The following SLIT3 variants were observed in gnomAD, a reference collection of about 807,000 sequenced individuals.
SLIT3 encodes the protein slit guidance ligand 3, also known as slit homolog 3 protein.
SLIT3 carries 68 observed loss-of-function variants against 184.0 expected under a neutral mutation model. The ratio of observed to expected loss-of-function variants is 0.37; its 90% CI spans 0.30 to 0.45. The LOEUF is 0.45. SLIT3 is among the 20% of genes least tolerant of loss of function. The pLI is 1.00. For synonymous variants in SLIT3, 831 were observed against 828.6 expected, an observed-to-expected ratio of 1.00 and a Z score of -0.05; for missense variants, 1,707 against 2,026.0, an observed-to-expected ratio of 0.84 and a Z score of 3.02.
intron 4 of SLIT3, among the ~76,000 whole-genome samples, chr5:168,979,467 C>T (rs1435132388): frequency 6.6e-6 from 1 of 152,188 alleles, no homozygotes; most frequent in African/African-American, 2.4e-5. Flanking sequence ...GGAACTCTTC[C>T]CCTGTTTACC....
chr5:169,207,342 ATCTT>A (rs1764105444), intron 3 of SLIT3, among the ~76,000 whole-genome samples: 1 of 144,514 alleles, frequency 6.9e-6, no homozygotes, highest in African/African-American at 2.6e-5. Flanking sequence ...CTGGACCACT[ATCTT>A]TCTCTGTTTT....
chr5:169,272,591 A>ATGCACTGATGTGATC (rs1766665518), intron 1 of SLIT3, among the ~76,000 whole-genome samples: 1 of 152,240 alleles, frequency 6.6e-6, no homozygotes, highest in Admixed American at 6.5e-5. Flanking sequence ...GGGGATTTGA[A>ATGCACTGATGTGATC]TGCACTGATG....
chr5:169,180,223 A>G (rs560069689), intron 4 of SLIT3, among the ~76,000 whole-genome samples: 1 of 152,180 alleles, frequency 6.6e-6, no homozygotes, highest in Non-Finnish European at 1.5e-5. Context: ...CAGAAGGAAC[A>G]GCAAAGCCAA....
At chr5:169,018,417 A>T (rs952352970) in intron 4 of SLIT3, 1 of 152,206 alleles carries the variant, frequency 6.6e-6, no homozygotes, top group African/African-American at 2.4e-5. Context: ...CAGTTGCCAG[A>T]GTATCAACCT....
At chr5:169,138,729 G>T (rs765506799) in intron 4 of SLIT3, among the ~76,000 whole-genome samples, 1 of 152,178 alleles carries the variant, frequency 6.6e-6, no homozygotes, top group African/African-American at 2.4e-5. Context: ...GGTTCCACTC[G>T]TGCTATCTCA....
chr5:168,762,252 C>T (rs555034325), intron 15 of SLIT3, among the ~76,000 whole-genome samples: 2 of 152,336 alleles, frequency 1.3e-5, no homozygotes, highest in East Asian at 3.9e-4. Context: ...GCAGGGACTA[C>T]CTGCTCTGCT....
At chr5:169,117,101 G>A (rs115719565) in intron 4 of SLIT3, among the ~76,000 whole-genome samples, 3,003 of 152,240 alleles carry the variant, frequency 0.02, 63 homozygotes, top group South Asian at 0.081. Context: ...CCTGTGAAGC[G>A]ACTGGAGGTG....
chr5:169,177,513 T>C (rs1357511644), intron 4 of SLIT3, among the ~76,000 whole-genome samples: 1 of 152,106 alleles, frequency 6.6e-6, no homozygotes, highest in Non-Finnish European at 1.5e-5. Context: ...TCTGGCTAAG[T>C]AGCTGCAGGT....
chr5:169,124,204 C>A (rs368071151), intron 4 of SLIT3, among the ~76,000 whole-genome samples: 9 of 152,294 alleles, frequency 5.9e-5, no homozygotes, highest in African/African-American at 2.2e-4. Context: ...TAGGAATAGA[C>A]TGAATGGCAG....
At chr5:168,863,834 C>T (rs1392584990) in intron 5 of SLIT3, among the ~76,000 whole-genome samples, 1 of 152,126 alleles carries the variant, frequency 6.6e-6, no homozygotes, top group Non-Finnish European at 1.5e-5. Context: ...CACCCTTCTG[C>T]CCCGTTCCCC....
intron 1 of SLIT3, among the ~76,000 whole-genome samples, chr5:169,279,640 G>T (rs983509631): frequency 1.3e-5 from 2 of 151,958 alleles, no homozygotes; most frequent in African/African-American, 4.8e-5. Context: ...TATATAAAAG[G>T]ATATCATACA....
chr5:169,234,467 C>G (rs879409224), intron 3 of SLIT3, among the ~76,000 whole-genome samples: 1 of 152,176 alleles, frequency 6.6e-6, no homozygotes, highest in Non-Finnish European at 1.5e-5. Flanking sequence ...AGTGCAGTGG[C>G]ACAATCTTGG....
chr5:168,961,020 C>T (rs1013462555), intron 4 of SLIT3, among the ~76,000 whole-genome samples: 6 of 152,296 alleles, frequency 3.9e-5, no homozygotes, highest in Admixed American at 3.3e-4. Context: ...TTAAAAAGCT[C>T]CATCTCCTCA....
At chr5:168,762,476 C>A (rs1372675524) in intron 15 of SLIT3, 63 bp downstream of exon 15, 1 of 1,569,674 alleles carries the variant, frequency 6.4e-7, no homozygotes, top group African/African-American at 1.3e-5. Context: ...ACCCTGCCCA[C>A]GCTGGCTCCG....
At chr5:169,162,263 G>A (rs1273099080) in intron 4 of SLIT3, among the ~76,000 whole-genome samples, 5 of 152,182 alleles carry the variant, frequency 3.3e-5, no homozygotes, top group Admixed American at 3.3e-4. Context: ...CCAGCCCCAT[G>A]CAGAACCACT....
chr5:168,916,373 G>C (rs536168055), intron 4 of SLIT3, among the ~76,000 whole-genome samples: 2 of 152,346 alleles, frequency 1.3e-5, no homozygotes, highest in South Asian at 4.1e-4. Context: ...TGCAGCTGTG[G>C]GAGGTGCTTC....
chr5:169,118,786 C>G (rs1176464464), intron 4 of SLIT3, among the ~76,000 whole-genome samples: 3 of 152,314 alleles, frequency 2.0e-5, no homozygotes, highest in Non-Finnish European at 2.9e-5. Flanking sequence ...AGGGAACACT[C>G]TAGCCACCTT....
intron 5 of SLIT3, among the ~76,000 whole-genome samples, chr5:168,849,336 C>T (rs796219639): frequency 1.3e-5 from 2 of 152,220 alleles, no homozygotes; most frequent in African/African-American, 2.4e-5. Flanking sequence ...CCAGCAGCAG[C>T]GTTCTGCTCT....
rs373458709 is a variant in SLIT3 at position 168,778,718 on chromosome 5, G to C, written c.1152-4340C>G. ...TACTCTGAGCAGGCCAGGGACAACCGTAGGACAGAGATAACAGCAATAGCA... is the reference window on the plus strand; with the variant it reads ...TACTCTGAGCAGGCCAGGGACAACCCTAGGACAGAGATAACAGCAATAGCA... On this transcript the variant is annotated intron_variant, in intron 12 of 35. Coordinates refer to ENST00000519560, the MANE Select transcript of SLIT3 (RefSeq NM_003062.4). Among the ~76,000 whole-genome samples the C allele has an allele frequency of 5.3e-5, 8 of 152,356 alleles. No individual in the cohort carries two copies. The East Asian group carries it at 1.2e-3, about 22-fold the overall frequency.
Sources: gnomAD v4.1 joint callset for allele counts (sites outside exome capture counted in the v4.1 genomes callset) on GRCh38, gnomAD v4.1.1 for gene constraint, MANE v1.5 for transcripts, NCBI Gene and HGNC (gene_info 2026-07-23, HGNC 2026-07-21) for gene names.